Variants in EYS observed in about 807,000 individuals in gnomAD.
EYS encodes protein eyes shut homolog.
A neutral mutation model predicts 282.1 loss-of-function variants in EYS; 250 were observed. That is an observed-to-expected ratio of 0.89 (90% confidence interval 0.80 to 0.98). EYS has a LOEUF of 0.98. EYS is among the 50% of genes least tolerant of loss of function. The pLI is 0.00. For synonymous variants in EYS, 1,355 were observed against 1,282.9 expected (o/e 1.06, Z -1.20); for missense variants, 4,016 against 3,709.0 (o/e 1.08, Z -2.15).
chr6:63,816,755 G>A (rs1771188424), intron 36 of EYS, among the ~76,000 whole-genome samples: 1 of 152,206 alleles, frequency 6.6e-6, no homozygotes, highest in Non-Finnish European at 1.5e-5. Flanking sequence ...CAAATAAGAA[G>A]GAAGTTCACG....
chr6:63,751,314 T>TA (rs1769335312), intron 41 of EYS, among the ~76,000 whole-genome samples: 1 of 152,198 alleles, frequency 6.6e-6, no homozygotes, highest in South Asian at 2.1e-4. Context: ...TTTTGTTTAA[T>TA]AAAAAACATT....
intron 36 of EYS, among the ~76,000 whole-genome samples, chr6:63,825,734 A>T (rs1771442798): frequency 6.6e-6 from 1 of 152,146 alleles, no homozygotes; most frequent in African/African-American, 2.4e-5. Context: ...GGACAAAATG[A>T]TCTGAACAAC....
intron 5 of EYS, among the ~76,000 whole-genome samples, chr6:65,439,431 C>T (rs1768214588): frequency 6.6e-6 from 1 of 151,986 alleles, no homozygotes; most frequent in Non-Finnish European, 1.5e-5. Context: ...CTTTAAATTA[C>T]CTTGGGCAGC....
At chr6:64,281,336 A>G (rs1029026335) in intron 30 of EYS, among the ~76,000 whole-genome samples, 1 of 152,122 alleles carries the variant, frequency 6.6e-6, no homozygotes, top group Non-Finnish European at 1.5e-5. Flanking sequence ...GAGTAGTGCT[A>G]AGGTGAGAGT....
chr6:64,691,023 A>G, intron 22 of EYS, among the ~76,000 whole-genome samples: 1 of 152,176 alleles, frequency 6.6e-6, no homozygotes, highest in South Asian at 2.1e-4. Context: ...TCATGCATAT[A>G]TAATATTAAA....
intron 31 of EYS, among the ~76,000 whole-genome samples, chr6:64,130,414 G>T (rs1201729873): frequency 6.6e-6 from 1 of 152,086 alleles, no homozygotes; most frequent in Non-Finnish European, 1.5e-5. Flanking sequence ...CTCACTCATA[G>T]GTGAGAATTG....
intron 1 of EYS, among the ~76,000 whole-genome samples, chr6:65,692,266 G>A (rs1255212219): frequency 6.7e-6 from 1 of 150,150 alleles, no homozygotes; most frequent in East Asian, 2.3e-4. Context: ...GACTTGGAAA[G>A]TGGGGAGGTG....
At chr6:65,360,493 T>C (rs1052679973) in intron 8 of EYS, among the ~76,000 whole-genome samples, 2 of 152,124 alleles carry the variant, frequency 1.3e-5, no homozygotes, top group African/African-American at 4.8e-5. Context: ...TTTGGCTCTC[T>C]GGGGACCAAG....
intron 5 of EYS, among the ~76,000 whole-genome samples, chr6:65,416,003 A>G (rs1416393467): frequency 6.6e-6 from 1 of 151,950 alleles, no homozygotes; most frequent in Non-Finnish European, 1.5e-5. Flanking sequence ...ACGCGAGGAG[A>G]GAGGAACAAG....
At chr6:64,590,154 G>A (rs1766358361) in intron 26 of EYS, 69 bp downstream of exon 26, 7 of 1,345,302 alleles carry the variant, frequency 5.2e-6, no homozygotes. Flanking sequence ...GACCATGACA[G>A]GCTCTTTCTT....
intron 30 of EYS, among the ~76,000 whole-genome samples, chr6:64,267,237 C>G (rs879574977): frequency 2.6e-5 from 4 of 152,084 alleles, no homozygotes; most frequent in Admixed American, 1.3e-4. Flanking sequence ...TCAAAGAGAT[C>G]TGAGAGGCTC....
At chr6:64,965,881 A>G (rs1770078792) in intron 14 of EYS, among the ~76,000 whole-genome samples, 1 of 152,084 alleles carries the variant, frequency 6.6e-6, no homozygotes, top group Admixed American at 6.6e-5. Flanking sequence ...TTTGTTACTG[A>G]AAGTTCTGTC....
Position 65,485,748 on chromosome 6 carries a change from T to C in EYS, c.862+4846A>G, listed in dbSNP as rs145259566. Among the ~76,000 whole-genome samples, 321 of 152,142 alleles carry C rather than the reference T, an allele frequency of 2.1e-3. 1 individual carries two copies. Among genetic ancestry groups the C allele is most frequent in the South Asian group, 7.1e-3 (34 of 4,816 alleles). On this transcript the variant is annotated intron_variant, in intron 5 of 42. Coordinates refer to ENST00000503581, the MANE Select transcript of EYS (RefSeq NM_001142800.2). ...GGAGCTTTGGAGGCGGAGGTTGCAG[T>C]GAGCCGAGATTCACCACTGCACTCC... is the stretch of plus-strand genomic sequence containing the variant.
chr6:64,300,111 T>G (rs562817006), intron 30 of EYS, among the ~76,000 whole-genome samples: 39 of 152,274 alleles, frequency 2.6e-4, no homozygotes, highest in South Asian at 1.7e-3. Context: ...TACCTGGTAA[T>G]GCAAGATCAA....
rs1280916617 is a variant in EYS, at chr6:64,985,311, TAAG to T, written c.2259+12268_2259+12270del. ...AAAGAGGATTTGTCAGTTGAATGAATAAGAAGAAGTAGCAAATTATTTGGGGAT... is the reference window on the plus strand; with the variant it reads ...AAAGAGGATTTGTCAGTTGAATGAATAAGAAGTAGCAAATTATTTGGGGAT... On this transcript the variant is annotated intron_variant, in intron 14 of 42. Coordinates refer to ENST00000503581, the MANE Select transcript of EYS (RefSeq NM_001142800.2). Among the ~76,000 whole-genome samples the T allele has an allele frequency of 1.3e-4, 19 of 151,570 alleles. No individual in the cohort carries two copies. The East Asian group carries it at 1.7e-3, about 14-fold the overall frequency.
At chr6:64,249,913 G>T (rs1767151468) in intron 30 of EYS, among the ~76,000 whole-genome samples, 1 of 152,178 alleles carries the variant, frequency 6.6e-6, no homozygotes, top group Non-Finnish European at 1.5e-5. Context: ...ACCAATAAAA[G>T]TCAGCCTCTC....
chr6:64,626,983 T>C (rs914279826), intron 22 of EYS, among the ~76,000 whole-genome samples: 6 of 152,188 alleles, frequency 3.9e-5, no homozygotes, highest in African/African-American at 1.4e-4. Context: ...AAAGAGTCAA[T>C]AGGTCAGAGA....
At chr6:65,648,856 A>T (rs1474374957) in intron 1 of EYS, among the ~76,000 whole-genome samples, 2 of 152,124 alleles carry the variant, frequency 1.3e-5, no homozygotes, top group Non-Finnish European at 2.9e-5. Context: ...AAAGATTTTT[A>T]AAAAGTGTCC....
chr6:63,833,498 A>G (rs1430222492), intron 36 of EYS, among the ~76,000 whole-genome samples: 3 of 152,206 alleles, frequency 2.0e-5, no homozygotes, highest in Non-Finnish European at 4.4e-5. Context: ...AATCCAACTT[A>G]CAAGGGATGT....
Sources: allele counts gnomAD v4.1 joint callset (sites outside exome capture counted in the v4.1 genomes callset), GRCh38; gene constraint gnomAD v4.1.1; transcripts MANE v1.5; gene names NCBI Gene and HGNC (gene_info 2026-07-23, HGNC 2026-07-21).